MIDEAS: variants seen among roughly 807,000 people sequenced by gnomAD.
The protein encoded by MIDEAS is mitotic deacetylase-associated SANT domain protein.
Under a neutral mutation model 102.7 loss-of-function variants are expected in MIDEAS, and 26 were observed. That is an observed-to-expected ratio of 0.25 (90% CI 0.19 to 0.35). The LOEUF (loss-of-function observed/expected upper bound fraction) is 0.35, where lower values mean the gene tolerates loss of function less well. MIDEAS is among the 10% of genes least tolerant of loss of function. MIDEAS has a pLI of 1.00. For synonymous variants in MIDEAS, 585 were observed against 591.0 expected (o/e 0.99, Z 0.15); for missense variants, 1,231 against 1,435.6 (o/e 0.86, Z 2.30).
upstream of MIDEAS, chr14:73,789,775 T>G (rs1348090221): frequency 6.6e-6 from 1 of 152,100 alleles, no homozygotes; most frequent in Non-Finnish European, 1.5e-5. Context: ...AGGTCGGGGG[T>G]GTGGACTCCT....
At chr14:73,770,359 TGAC>T (rs1330395410) in intron 1 of MIDEAS, among the ~76,000 whole-genome samples, 2 of 131,986 alleles carry the variant, frequency 1.5e-5, no homozygotes, top group Admixed American at 8.4e-5. Context: ...ATGATGATGA[TGAC>T]GATGATGATG....
rs1349596572 is a variant in MIDEAS at position 73,773,475 on chromosome 14, G to A, written c.-248+13627C>T. On this transcript the variant is annotated intron_variant, in intron 1 of 11. Coordinates refer to the MIDEAS transcript ENST00000394071. ...CCACATTCTGTCCTTTCCAAAATGA[G>A]CCCACCCCTCCCTGGACATCAACCC... Among the ~76,000 whole-genome samples, 6 of 151,580 alleles carry A rather than the reference G, an allele frequency of 4.0e-5. No individual in the cohort carries two copies. In the East Asian group the frequency reaches 1.2e-3, roughly 30 times the overall value.
intron 11 of MIDEAS, 99 bp from the exon 12 acceptor site, chr14:73,719,600 T>G: frequency 8.2e-7 from 1 of 1,222,730 alleles, no homozygotes; most frequent in Non-Finnish European, 1.2e-6. Flanking sequence ...GTCATATATA[T>G]TCCTGCCAAA....
intron 3 of MIDEAS, among the ~76,000 whole-genome samples, chr14:73,731,267 C>T (rs2053136131): frequency 6.6e-6 from 1 of 152,172 alleles, no homozygotes; most frequent in African/African-American, 2.4e-5. Flanking sequence ...TAAGGTTGGC[C>T]ATGTTGACAG....
In MIDEAS at chr14:73,722,590, A is replaced by T. The variant is rs2053009698; in HGVS notation, c.2724+108T>A. ...GGCTGTCAGGGACACTGTCTTCCTC[A>T]ACCTGCCCTCTGCAGGCTCCTGGAG... On this transcript the variant is annotated intron_variant, in intron 10 of 12. Coordinates refer to ENST00000423556, the MANE Select transcript of MIDEAS (RefSeq NM_001367710.1). The T allele has an allele frequency of 2.2e-6, 3 of 1,377,844 alleles. No individual in the cohort carries two copies. In the East Asian group the frequency reaches 7.0e-5, roughly 32 times the overall value. 85.4% of individuals were successfully genotyped at this position (1,377,844 alleles called of 1,614,324 possible). A position where few individuals can be genotyped will look rare whatever the true frequency, so the allele number is the denominator to read the frequency against.
At chr14:73,720,523 A>T (rs1255069322) in intron 11 of MIDEAS, among the ~76,000 whole-genome samples, 1 of 151,996 alleles carries the variant, frequency 6.6e-6, no homozygotes, top group East Asian at 1.9e-4. Context: ...CTGGGATTAC[A>T]GGTGTGAGCC....
chr14:73,759,035 G>C lies in MIDEAS; in HGVS notation c.-248+728C>G, dbSNP rs1248422036. On this transcript the variant is annotated intron_variant, in intron 1 of 12. Coordinates refer to ENST00000423556, the MANE Select transcript of MIDEAS (RefSeq NM_001367710.1). This position sits in a 1 kb window ranked among gnomAD's most constrained non-coding sequence, Gnocchi z 6.7. ...CACCAGGGAACACAGCTCCCCGCGA[G>C]GCACCGCGCGGGCTGGGAGGGCTGC... 6.6e-6 allele frequency among the ~76,000 whole-genome samples: 1 copy of C among 152,170 alleles called. No homozygotes were observed. Among genetic ancestry groups the C allele is most frequent in the Non-Finnish European group, 1.5e-5 (1 of 68,016 alleles).
At chr14:73,752,428 G>A (rs1177767277) in intron 1 of MIDEAS, among the ~76,000 whole-genome samples, 1 of 152,158 alleles carries the variant, frequency 6.6e-6, no homozygotes, top group East Asian at 1.9e-4. Flanking sequence ...CATCAACCCA[G>A]GCTCTCCTGA....
intron 1 of MIDEAS, among the ~76,000 whole-genome samples, chr14:73,774,702 G>T (rs1225816813): frequency 6.6e-6 from 1 of 151,848 alleles, no homozygotes; most frequent in Non-Finnish European, 1.5e-5. Context: ...TCTCACCAGG[G>T]TCTTGCTGAC....
chr14:73,779,113 T>A (rs1342903065), intron 1 of MIDEAS, among the ~76,000 whole-genome samples: 3 of 151,838 alleles, frequency 2.0e-5, no homozygotes, highest in African/African-American at 7.3e-5. Flanking sequence ...TAGCCGGGCA[T>A]GGTTGGCGCA....
rs1272308947 is a variant in MIDEAS, at chr14:73,725,719, C to T, written c.2485+314G>A. ...TAAAGTGACCAGAACAGGACATGCA[C>T]TCCTGGGGCTAAGTTCCAGGTACCT... On this transcript the variant is annotated intron_variant, in intron 8 of 12. Transcript: ENST00000423556. The surrounding 1 kb of genome is among the most constrained non-coding windows in gnomAD (Gnocchi z 4.1). Among the ~76,000 whole-genome samples the T allele has an allele frequency of 1.3e-5, 2 of 152,340 alleles. No individual in the cohort carries two copies. Among genetic ancestry groups the T allele is most frequent in the South Asian group, 2.1e-4 (1 of 4,824 alleles).
chr14:73,752,895 A>G (rs903609507), intron 1 of MIDEAS, among the ~76,000 whole-genome samples: 3 of 152,186 alleles, frequency 2.0e-5, no homozygotes, highest in Non-Finnish European at 4.4e-5. Flanking sequence ...CCCCAAGTAC[A>G]CACCAACCAG....
chr14:73,729,885 G>C lies in MIDEAS; in HGVS notation c.1850C>G (p.Thr617Ser). The change falls in exon 4 of 13, where the codon ACT becomes AGT. Residue 617 changes from threonine (T) to serine (S), a missense_variant. Thr to Ser is a moderately conservative substitution (Grantham distance 58, BLOSUM62 1). Coordinates refer to ENST00000423556, the MANE Select transcript of MIDEAS (RefSeq NM_001367710.1). ...GGAGTAGACGGGAGGGGCGATGAAA[G>C]TGCCCGCCTTGGTGGGGATGATGAG... ...EPLIIPTKAG[T>S]FIAPPVYSNI... The C allele has an allele frequency of 6.2e-7, 1 of 1,613,602 alleles. No individual in the cohort carries two copies. The highest frequency in any genetic ancestry group is 8.5e-7 in the Non-Finnish European group (1 of 1,179,696).
At chr14:73,733,136 G>T (rs969954781) in intron 3 of MIDEAS, among the ~76,000 whole-genome samples, 1 of 152,096 alleles carries the variant, frequency 6.6e-6, no homozygotes, top group Non-Finnish European at 1.5e-5. Context: ...TTTAGGGCTC[G>T]CCAAGGAAGG....
chr14:73,773,402 G>A (rs1332223295), intron 1 of MIDEAS, among the ~76,000 whole-genome samples: 1 of 151,820 alleles, frequency 6.6e-6, no homozygotes, highest in Non-Finnish European at 1.5e-5. Flanking sequence ...GCTGGGATGA[G>A]TAAGGAGGGG....
intron 1 of MIDEAS, among the ~76,000 whole-genome samples, chr14:73,768,016 C>T (rs569396254): frequency 3.3e-5 from 5 of 152,010 alleles, no homozygotes; most frequent in East Asian, 1.9e-4. Flanking sequence ...AAAAATTAGC[C>T]GGGCATGGTG....
rs2052922464 is a variant in MIDEAS, at chr14:73,718,186, G to GCC, written c.*656_*657insGG. ...TGAGAAAACTTTCTAGCCCTAGCAA[G>GCC]GCCGCCAGCAAGCAGCAAAGGGAGA... On this transcript the variant is annotated 3_prime_UTR_variant, in exon 13 of 13. Transcript: ENST00000423556. 3 of 152,252 alleles carry GCC rather than the reference G, an allele frequency of 2.0e-5. No homozygotes were observed. Among genetic ancestry groups the GCC allele is most frequent in the Admixed American group, 2.0e-4 (3 of 15,284 alleles). 9.4% of individuals were successfully genotyped at this position (152,252 alleles called of 1,614,324 possible). A position where few individuals can be genotyped will look rare whatever the true frequency, so the allele number is the denominator to read the frequency against.
chr14:73,752,785 A>G (rs1231252096), intron 1 of MIDEAS, among the ~76,000 whole-genome samples: 1 of 152,194 alleles, frequency 6.6e-6, no homozygotes, highest in Non-Finnish European at 1.5e-5. Flanking sequence ...CAGCTGCTGC[A>G]GGGCCTTTTC....
chr14:73,719,365 G>GT lies in MIDEAS; in HGVS notation c.3073dup (p.Thr1025AsnfsTer6). 6.2e-7 allele frequency: 1 copy of GT among 1,613,888 alleles called. No homozygotes were observed. The highest frequency in any genetic ancestry group is 8.5e-7 in the Non-Finnish European group (1 of 1,179,954). ...ATTCTGGGTCTTACTGAATGTCTCT[G>GT]TTTTTTTCTTCTTCTCTGAAAAAGG... On this transcript the variant is annotated frameshift_variant, in exon 12 of 13. Coordinates refer to ENST00000423556, the MANE Select transcript of MIDEAS (RefSeq NM_001367710.1). LOFTEE classifies it high-confidence loss of function.
Sources: gnomAD v4.1 joint callset for allele counts (sites outside exome capture counted in the v4.1 genomes callset) on GRCh38, gnomAD v4.1.1 for gene constraint, Gnocchi (gnomAD v3.1) non-coding constraint, MANE v1.5 for transcripts, NCBI Gene and HGNC (gene_info 2026-07-23, HGNC 2026-07-21) for gene names.